Variants in LHFPL3 observed in about 807,000 individuals in gnomAD.
LHFPL3 encodes LHFPL tetraspan subfamily member 3 protein.
A neutral mutation model predicts 19.3 loss-of-function variants in LHFPL3; 5 were observed. That is an observed-to-expected ratio of 0.26 (90% confidence interval 0.14 to 0.54). The LOEUF (loss-of-function observed/expected upper bound fraction) is 0.54, where lower values mean the gene tolerates loss of function less well. Ranked by LOEUF, LHFPL3 falls within the 20% of genes least tolerant of loss-of-function variation. The probability of loss-of-function intolerance (pLI) is 0.94; values close to 1 mark genes in which losing one functional copy is unlikely to be tolerated. For synonymous variants in LHFPL3, 133 were observed against 126.2 expected (o/e 1.05, Z -0.36); for missense variants, 249 against 307.4 (o/e 0.81, Z 1.42).
At chr7:104,748,529 C>T (rs1018629276) in intron 2 of LHFPL3, among the ~76,000 whole-genome samples, 1 of 136,934 alleles carries the variant, frequency 7.3e-6, no homozygotes, top group Admixed American at 7.7e-5. Context: ...CTGCGGGCAG[C>T]AATACTGCTT....
chr7:104,728,561 T>C (rs1793631297), intron 1 of LHFPL3, among the ~76,000 whole-genome samples: 1 of 152,156 alleles, frequency 6.6e-6, no homozygotes, highest in African/African-American at 2.4e-5. Context: ...CAATATCACT[T>C]GTCTAGTTTT....
intron 1 of LHFPL3, among the ~76,000 whole-genome samples, chr7:104,593,225 T>C (rs1455976139): frequency 6.6e-6 from 1 of 152,144 alleles, no homozygotes; most frequent in African/African-American, 2.4e-5. Flanking sequence ...TCCCAGAGAT[T>C]CTGGTATGTT....
chr7:104,465,179 A>C (rs1200720666), intron 1 of LHFPL3, among the ~76,000 whole-genome samples: 1 of 152,114 alleles, frequency 6.6e-6, no homozygotes, highest in Non-Finnish European at 1.5e-5. Flanking sequence ...CCTGGACTTC[A>C]TTGTCCATAT....
intron 1 of LHFPL3, among the ~76,000 whole-genome samples, chr7:104,438,199 T>C (rs1035403002): frequency 6.6e-6 from 1 of 152,260 alleles, no homozygotes; most frequent in Admixed American, 6.5e-5. Flanking sequence ...ATATTTATCA[T>C]GATATGACAC....
chr7:104,332,669 G>T (rs1384762154), intron 1 of LHFPL3, among the ~76,000 whole-genome samples: 1 of 152,078 alleles, frequency 6.6e-6, no homozygotes, highest in Non-Finnish European at 1.5e-5. Flanking sequence ...AAATGATGTT[G>T]CTCGTTCATC....
At chr7:104,440,035 T>G (rs112171276) in intron 1 of LHFPL3, among the ~76,000 whole-genome samples, 21,788 of 84,628 alleles carry the variant, frequency 0.26, 2,426 homozygotes, top group African/African-American at 0.41. Context: ...ATACAAAGCC[T>G]GGGGGGGGGG....
chr7:104,444,081 A>G (rs1237726157), intron 1 of LHFPL3, among the ~76,000 whole-genome samples: 1 of 152,210 alleles, frequency 6.6e-6, no homozygotes, highest in Non-Finnish European at 1.5e-5. Flanking sequence ...ACATGCAGTT[A>G]AATACTTTCC....
chr7:104,813,672 G>A (rs1273536127), intron 2 of LHFPL3, among the ~76,000 whole-genome samples: 1 of 152,224 alleles, frequency 6.6e-6, no homozygotes, highest in Non-Finnish European at 1.5e-5. Context: ...GGCAACTCCA[G>A]GTTCCAGCAC....
chr7:104,400,426 C>T (rs1423810893), intron 1 of LHFPL3, among the ~76,000 whole-genome samples: 3 of 152,086 alleles, frequency 2.0e-5, no homozygotes, highest in Admixed American at 2.0e-4. Flanking sequence ...ATTCTTTCAG[C>T]TACCTATGAG....
intron 1 of LHFPL3, among the ~76,000 whole-genome samples, chr7:104,600,331 G>A (rs989756435): frequency 6.6e-6 from 1 of 152,194 alleles, no homozygotes; most frequent in Non-Finnish European, 1.5e-5. Flanking sequence ...GCTCTGCTCT[G>A]TGGAGAATCA....
chr7:104,630,477 T>C (rs144939935), intron 1 of LHFPL3, among the ~76,000 whole-genome samples: 143 of 152,186 alleles, frequency 9.4e-4, no homozygotes, highest in African/African-American at 3.2e-3. Flanking sequence ...AAAAAAAATA[T>C]GAAAAGTGGG....
chr7:104,841,897 A>G (rs1456231822), intron 2 of LHFPL3, among the ~76,000 whole-genome samples: 1 of 151,670 alleles, frequency 6.6e-6, no homozygotes, highest in East Asian at 1.9e-4. Context: ...AAGTTTCTCC[A>G]CTCCTGACAC....
chr7:104,468,631 C>T (rs1401322379), intron 1 of LHFPL3, among the ~76,000 whole-genome samples: 1 of 151,474 alleles, frequency 6.6e-6, no homozygotes, highest in Non-Finnish European at 1.5e-5. Context: ...TGACAAATTT[C>T]CCAAAGTAGA....
chr7:104,896,276 T>G (rs1792356399), intron 2 of LHFPL3, among the ~76,000 whole-genome samples: 2 of 152,182 alleles, frequency 1.3e-5, no homozygotes, highest in South Asian at 4.1e-4. Context: ...GTGCCAGGCT[T>G]TCCTCTGGGT....
At chr7:104,465,984 A>G (rs1199481568) in intron 1 of LHFPL3, among the ~76,000 whole-genome samples, 1 of 152,142 alleles carries the variant, frequency 6.6e-6, no homozygotes, top group East Asian at 1.9e-4. Context: ...GATTGTTTCA[A>G]TTATGTGATT....
At chr7:104,588,074 C>T (rs1365568103) in intron 1 of LHFPL3, among the ~76,000 whole-genome samples, 2 of 152,074 alleles carry the variant, frequency 1.3e-5, no homozygotes, top group Non-Finnish European at 2.9e-5. Context: ...GTTGCCTGTT[C>T]ACTCTGATGG....
At chr7:104,371,076 C>T (rs1562877486) in intron 1 of LHFPL3, among the ~76,000 whole-genome samples, 1 of 152,142 alleles carries the variant, frequency 6.6e-6, no homozygotes, top group Non-Finnish European at 1.5e-5. Context: ...CAAAGCCCTT[C>T]CTGTTTTGAA....
intron 1 of LHFPL3, among the ~76,000 whole-genome samples, chr7:104,562,998 G>T (rs1466622938): frequency 2.0e-5 from 3 of 152,180 alleles, no homozygotes; most frequent in Non-Finnish European, 4.4e-5. Context: ...CTGCTCGGGG[G>T]TCAGGGGTCA....
intron 1 of LHFPL3, among the ~76,000 whole-genome samples, chr7:104,368,774 G>C (rs1192220517): frequency 0.014 from 1 of 72 alleles, no homozygotes; most frequent in Non-Finnish European, 0.026. Flanking sequence ...ACTGCCCTAT[G>C]AGGCATGGCC....
Sources: gnomAD v4.1 joint callset for allele counts (sites outside exome capture counted in the v4.1 genomes callset) on GRCh38, gnomAD v4.1.1 for gene constraint, MANE v1.5 for transcripts, NCBI Gene and HGNC (gene_info 2026-07-23, HGNC 2026-07-21) for gene names.